COL8A2: variants seen among roughly 807,000 people sequenced by gnomAD.
The protein encoded by COL8A2 is collagen type VIII alpha 2 chain.
Under a neutral mutation model 24.0 loss-of-function variants are expected in COL8A2, and 16 were observed. The ratio of observed to expected loss-of-function variants is 0.67; its 90% CI spans 0.45 to 1.01. The LOEUF (loss-of-function observed/expected upper bound fraction) is 1.01. Ranked by LOEUF, COL8A2 falls within the 50% of genes least tolerant of loss-of-function variation. The pLI is 0.00. For missense variants in COL8A2, 818 were observed against 942.4 expected, an observed-to-expected ratio of 0.87 and a Z score of 1.73; for synonymous variants, 466 against 424.5, an observed-to-expected ratio of 1.10 and a Z score of -1.20.
At chr1:36,108,678 T>G (rs976962096) in intron 2 of COL8A2, among the ~76,000 whole-genome samples, 1 of 150,920 alleles carries the variant, frequency 6.6e-6, no homozygotes, top group Admixed American at 6.6e-5. Flanking sequence ...CGGCTGGGAG[T>G]GGGGAGTGCT....
chr1:36,099,905 G>C (rs750258820), intron 3 of COL8A2, 145 bp downstream of exon 3: 4 of 760,840 alleles, frequency 5.3e-6, no homozygotes, highest in Non-Finnish European at 9.0e-6. Context: ...GCCCTCTGGG[G>C]TATTAGGAAA....
chr1:36,100,146 C>A lies in COL8A2; in HGVS notation c.97G>T (p.Gly33Cys). 5 of 1,612,566 alleles carry A rather than the reference C, an allele frequency of 3.1e-6. No individual in the cohort carries two copies. The highest frequency in any genetic ancestry group is 3.4e-6 in the Non-Finnish European group (4 of 1,179,544). ...ACTGGGGCATAGCCCGCCGCCCCAC[C>A]GGCCCCGCCACCAGAGGACGCCCGC... The part of the protein sequence containing the change: ...GPRASSGGGA[G>C]GAAGYAPVKY... The change falls in exon 3 of 4, where the codon GGT (glycine) becomes TGT (cysteine). Residue 33 changes from glycine to cysteine, a missense_variant. Gly to Cys is a radical substitution (Grantham distance 159, BLOSUM62 -3). Coordinates refer to ENST00000397799, the MANE Select transcript of COL8A2 (RefSeq NM_005202.4).
intron 2 of COL8A2, among the ~76,000 whole-genome samples, chr1:36,106,945 A>C (rs12140563): frequency 1.3e-5 from 2 of 151,774 alleles, no homozygotes; most frequent in African/African-American, 4.9e-5. Context: ...TGAGGAGGGT[A>C]TGAGTGAGGA....
At chr1:36,111,503 T>G (rs1387199173) in intron 2 of COL8A2, among the ~76,000 whole-genome samples, 1 of 151,162 alleles carries the variant, frequency 6.6e-6, no homozygotes, top group African/African-American at 2.4e-5. Context: ...GCCAACTCCA[T>G]CACCGAGGAC....
At chr1:36,107,611 A>G (rs913519852) in intron 2 of COL8A2, among the ~76,000 whole-genome samples, 1 of 152,114 alleles carries the variant, frequency 6.6e-6, no homozygotes, top group Non-Finnish European at 1.5e-5. Flanking sequence ...GGGAGTGCGC[A>G]CTGGCCACAG....
rs771946728 is a variant in COL8A2, at chr1:36,098,091, AG to A, written c.1589del (p.Pro530LeufsTer63). The A allele has an allele frequency of 6.5e-7, 1 of 1,540,546 alleles. No individual in the cohort carries two copies. Among genetic ancestry groups the A allele is most frequent in the Admixed American group, 1.9e-5 (1 of 52,314 alleles). The stretch of plus-strand genomic sequence containing the variant: ...TCTCATCGAAGGCCCCAGGGGCACC[AG>A]GGGGTCCCGGGGGCCCGGGAGGCCC... ...PPGPPGPPGP[P>X]GAPGAFDETG... On this transcript the variant is annotated frameshift_variant, in exon 4 of 4. Transcript: ENST00000397799. LOFTEE classifies it high-confidence loss of function.
rs565533218 is a variant in COL8A2, at chr1:36,112,298, C to T, written c.-17+3410G>A. On this transcript the variant is annotated intron_variant, in intron 2 of 3. Coordinates refer to ENST00000397799, the MANE Select transcript of COL8A2 (RefSeq NM_005202.4). ...GATTACAGGCCTGAGCCACCGCGCC[C>T]GGCCTATTTTTGTTTTAAGGGTGAA... Among the ~76,000 whole-genome samples the T allele has an allele frequency of 3.3e-5, 5 of 152,284 alleles. No homozygotes were observed. In the South Asian group the frequency reaches 1.0e-3, roughly 32 times the overall value.
rs1306592118 is a variant in COL8A2, at chr1:36,097,381, C to T, written c.*188G>A. The stretch of plus-strand genomic sequence containing the variant: ...CACAGACATTTGGGGGAAAGAAACT[C>T]AGGCCAGCCCCTTCCAGAAACAATC... On this transcript the variant is annotated 3_prime_UTR_variant, in exon 4 of 4. Transcript: ENST00000397799. 1 of 607,826 alleles carries T rather than the reference C, an allele frequency of 1.6e-6. No individual in the cohort carries two copies. The highest frequency in any genetic ancestry group is 2.7e-5 in the East Asian group (1 of 36,540). The allele number at this position is 607,826 out of a possible 1,614,324, so 37.7% of individuals were successfully genotyped here.
chr1:36,111,578 G>T (rs1391033888), intron 2 of COL8A2, among the ~76,000 whole-genome samples: 2 of 149,090 alleles, frequency 1.3e-5, no homozygotes, highest in African/African-American at 5.0e-5. Context: ...GAGACAGTCT[G>T]CTCTGTCACC....
At chr1:36,118,877 A>G (rs1570057024) in intron 1 of COL8A2, among the ~76,000 whole-genome samples, 2 of 152,346 alleles carry the variant, frequency 1.3e-5, no homozygotes, top group South Asian at 2.1e-4. Flanking sequence ...GCTCTGGACT[A>G]AGAGTCTTGC....
Position 36,100,092 on chromosome 1 carries a change from G to C in COL8A2, c.151C>G (p.Pro51Ala), listed in dbSNP as rs1643653108. Residue 51 changes from proline to alanine, a missense_variant, in exon 3 of 4, where the codon CCT becomes GCT. Physicochemically the swap from Pro to Ala is conservative, Grantham distance 27. Coordinates refer to ENST00000397799, the MANE Select transcript of COL8A2 (RefSeq NM_005202.4). ...VKYIQPMQKGPVGPPFREGKG... is the reference protein window; with the variant it reads ...VKYIQPMQKGAVGPPFREGKG... ...CCCTCACGGAAGGGCGGTCCCACAG[G>C]TCCTTTCTGCATGGGCTGGATGTAC... 1.2e-6 allele frequency: 2 copies of C among 1,612,684 alleles called. No homozygotes were observed. The highest frequency in any genetic ancestry group is 2.2e-5 in the South Asian group (2 of 91,062).
chr1:36,112,582 C>T (rs1456025218), intron 2 of COL8A2, among the ~76,000 whole-genome samples: 1 of 152,074 alleles, frequency 6.6e-6, no homozygotes, highest in African/African-American at 2.4e-5. Context: ...ACCTTGTATT[C>T]CCCCAAAACT....
At position 36,098,432 on chromosome 1, in the gene COL8A2, G is replaced by A; in HGVS notation, c.1249C>T (p.His417Tyr). Residue 417 changes from histidine (H) to tyrosine (Y), a missense_variant, in exon 4 of 4, where the codon CAT (histidine) becomes TAT (tyrosine). This residue lies in a region of COL8A2 where 573 missense variants were observed against 616.8 expected (regional missense o/e 0.93). Transcript: ENST00000397799. ...VPGERGLPGA[H>Y]GPPGPTGPKG... Reference sequence around the variant, plus strand: ...GGCCCAGTTGGTCCAGGGGGTCCATGGGCCCCAGGAAGTCCCCTCTCACCT... The same window carrying A: ...GGCCCAGTTGGTCCAGGGGGTCCATAGGCCCCAGGAAGTCCCCTCTCACCT... 6.3e-7 allele frequency: 1 copy of A among 1,584,856 alleles called. No homozygotes were observed. Among genetic ancestry groups the A allele is most frequent in the Non-Finnish European group, 8.6e-7 (1 of 1,166,118 alleles).
intron 1 of COL8A2, among the ~76,000 whole-genome samples, chr1:36,121,022 G>A (rs1643909194): frequency 6.6e-6 from 1 of 151,288 alleles, no homozygotes; most frequent in Non-Finnish European, 1.5e-5. Context: ...CCAGGAGGTG[G>A]AGGTTGCAGT....
intron 2 of COL8A2, among the ~76,000 whole-genome samples, chr1:36,106,726 C>T (rs1352168440): frequency 6.6e-6 from 1 of 152,066 alleles, no homozygotes; most frequent in Non-Finnish European, 1.5e-5. Context: ...CAAGGAACAG[C>T]CCCAAGTGCA....
chr1:36,106,601 C>T (rs1281236769), intron 2 of COL8A2, among the ~76,000 whole-genome samples: 2 of 152,178 alleles, frequency 1.3e-5, no homozygotes, highest in Non-Finnish European at 2.9e-5. Context: ...GTCCTGACAC[C>T]ACCACAAGAG....
intron 1 of COL8A2, among the ~76,000 whole-genome samples, chr1:36,119,421 C>T (rs1007274308): frequency 2.0e-5 from 3 of 152,164 alleles, no homozygotes; most frequent in African/African-American, 7.2e-5. Context: ...TGAGGACAAC[C>T]TTCTGGCTCC....
intron 2 of COL8A2, among the ~76,000 whole-genome samples, chr1:36,113,096 C>T (rs191508834): frequency 1.3e-5 from 2 of 152,088 alleles, no homozygotes; most frequent in Non-Finnish European, 2.9e-5. Flanking sequence ...CCTGAGGTCA[C>T]GTTTGGAGGC....
intron 2 of COL8A2, among the ~76,000 whole-genome samples, chr1:36,105,652 G>C (rs1253621482): frequency 6.6e-6 from 1 of 152,154 alleles, no homozygotes; most frequent in African/African-American, 2.4e-5. Context: ...CCCTGTTTTA[G>C]AGATGAGGAA....
Sources: gnomAD v4.1 joint callset for allele counts (sites outside exome capture counted in the v4.1 genomes callset) on GRCh38, gnomAD v4.1.1 for gene constraint, gnomAD v4.1.1 regional missense constraint, MANE v1.5 for transcripts, NCBI Gene and HGNC (gene_info 2026-07-23, HGNC 2026-07-21) for gene names.